The following NLGN4X variants were observed in gnomAD, a reference collection of about 807,000 sequenced individuals.
NLGN4X encodes the protein neuroligin-4, X-linked.
A neutral mutation model predicts 40.3 loss-of-function variants in NLGN4X; 3 were observed. The observed-to-expected ratio is 0.07, with a 90% CI of 0.03 to 0.19. The LOEUF (loss-of-function observed/expected upper bound fraction) is 0.19. Among genes scored for constraint, NLGN4X ranks in the 10% least tolerant of loss-of-function variants. The pLI is 1.00. For missense variants in NLGN4X, 382 were observed against 708.3 expected (o/e 0.54, Z 5.23); for synonymous variants, 270 against 306.8 (o/e 0.88, Z 1.25).
At chrX:6,017,858 T>G (rs1412312857) in intron 3 of NLGN4X, among the ~76,000 whole-genome samples, 3 of 111,370 alleles carry the variant, frequency 2.7e-5, no homozygotes, top group Non-Finnish European at 5.7e-5. Context: ...TTAGATGATG[T>G]CACCCAACTG....
intron 3 of NLGN4X, among the ~76,000 whole-genome samples, chrX:6,027,820 T>C (rs1045572585): frequency 3.9e-4 from 32 of 81,567 alleles, no homozygotes; most frequent in African/African-American, 1.1e-3. Flanking sequence ...AGTATTATTA[T>C]TATTTTTTTT....
rs57247712 is a variant in NLGN4X at position 6,201,909 on chromosome X, G to A, written c.-306+26632C>T. On this transcript the variant is annotated intron_variant, in intron 1 of 5. Transcript: ENST00000381095. ...CCGATGGAAATAATCATCAAACCAT[G>A]AGTAGATGCAAAGCTACATAGGACA... is the stretch of plus-strand genomic sequence containing the variant. 5.9e-3 allele frequency among the ~76,000 whole-genome samples: 660 copies of A among 111,404 alleles called. 5 individuals are homozygous for A. Among genetic ancestry groups the A allele is most frequent in the African/African-American group, 0.021 (631 of 30,656 alleles).
intron 1 of NLGN4X, among the ~76,000 whole-genome samples, chrX:6,214,613 G>C (rs957963072): frequency 1.8e-5 from 2 of 111,670 alleles, no homozygotes; most frequent in African/African-American, 6.5e-5. Flanking sequence ...CAGAAAGATA[G>C]AGCCAAGTGC....
At chrX:5,973,467 A>G (rs1406621916) in intron 3 of NLGN4X, among the ~76,000 whole-genome samples, 1 of 112,425 alleles carries the variant, frequency 8.9e-6, no homozygotes, top group Non-Finnish European at 1.9e-5. Flanking sequence ...CTTGGAAGCT[A>G]AATTGTTTAG....
chrX:6,032,681 C>G, intron 2 of NLGN4X: 1 of 1,164,841 alleles, frequency 8.6e-7, no homozygotes, highest in Non-Finnish European at 1.2e-6. Context: ...TTTGAAAAAA[C>G]AAAAAATACC....
intron 3 of NLGN4X, among the ~76,000 whole-genome samples, chrX:5,977,370 A>G: frequency 9.1e-6 from 1 of 110,028 alleles, no homozygotes; most frequent in East Asian, 2.9e-4. Context: ...ACAGGCACAT[A>G]TCACCATGCC....
chrX:6,076,993 G>A (rs1167685362), intron 2 of NLGN4X, among the ~76,000 whole-genome samples: 1 of 111,480 alleles, frequency 9.0e-6, no homozygotes, highest in African/African-American at 3.3e-5. Context: ...CCTCCATAAT[G>A]TTTTCATAGT....
chrX:6,195,627 T>G (rs1380824973), intron 1 of NLGN4X, among the ~76,000 whole-genome samples: 1 of 112,228 alleles, frequency 8.9e-6, no homozygotes, highest in Non-Finnish European at 1.9e-5. Context: ...TACATTTATT[T>G]TACTTGATCA....
chrX:5,972,461 T>C (rs1339075636), intron 3 of NLGN4X, among the ~76,000 whole-genome samples: 2 of 111,447 alleles, frequency 1.8e-5, no homozygotes, highest in Non-Finnish European at 3.8e-5. Context: ...AAGTTCTTAT[T>C]GTAATCCTTC....
chrX:6,049,248 AGGGG>A (rs2037412241), intron 2 of NLGN4X, among the ~76,000 whole-genome samples: 1 of 3,010 alleles, frequency 3.3e-4, no homozygotes, highest in African/African-American at 6.9e-4. Flanking sequence ...AGGGGAGGGG[AGGGG>A]AGGGGAGGGG....
At chrX:6,052,179 G>A (rs968073115) in intron 2 of NLGN4X, among the ~76,000 whole-genome samples, 2 of 110,450 alleles carry the variant, frequency 1.8e-5, no homozygotes, top group East Asian at 2.9e-4. Flanking sequence ...TGAGCCTCCC[G>A]AGAGTCATGC....
At chrX:6,036,081 T>C (rs1291247938) in intron 2 of NLGN4X, among the ~76,000 whole-genome samples, 5 of 111,736 alleles carry the variant, frequency 4.5e-5, no homozygotes, top group Non-Finnish European at 9.4e-5. Flanking sequence ...CCAACTGTAA[T>C]TAATTATATT....
chrX:6,021,290 G>A (rs963594902), intron 3 of NLGN4X, among the ~76,000 whole-genome samples: 15 of 108,411 alleles, frequency 1.4e-4, no homozygotes, highest in African/African-American at 4.7e-4. Flanking sequence ...CTGATGTCTC[G>A]CTTGTTGTTG....
chrX:5,971,742 G>A (rs2035025331), intron 3 of NLGN4X, among the ~76,000 whole-genome samples: 1 of 111,237 alleles, frequency 9.0e-6, no homozygotes, highest in African/African-American at 3.3e-5. Context: ...ATGGACTTGG[G>A]GAAAATGATA....
chrX:6,117,715 C>A (rs2039333955), intron 2 of NLGN4X, among the ~76,000 whole-genome samples: 1 of 112,220 alleles, frequency 8.9e-6, no homozygotes, highest in African/African-American at 3.2e-5. Context: ...ATTCACAGCC[C>A]CCTCAATCCC....
At chrX:5,946,781 G>C (rs992897976) in intron 3 of NLGN4X, among the ~76,000 whole-genome samples, 3 of 110,867 alleles carry the variant, frequency 2.7e-5, no homozygotes, top group African/African-American at 9.9e-5. Context: ...CATGACCCAG[G>C]TACTAAGCCA....
intron 4 of NLGN4X, among the ~76,000 whole-genome samples, chrX:5,907,604 T>C (rs970243987): frequency 2.7e-5 from 3 of 111,444 alleles, no homozygotes; most frequent in South Asian, 7.6e-4. Context: ...ACATGTGTTT[T>C]TGTGGTTTCC....
intron 2 of NLGN4X, among the ~76,000 whole-genome samples, chrX:6,112,770 C>T (rs2039182477): frequency 9.1e-6 from 1 of 109,489 alleles, no homozygotes; most frequent in Non-Finnish European, 1.9e-5. Flanking sequence ...TAAGTGTAGG[C>T]TGCACGTAGT....
At chrX:6,077,871 A>G (rs1189172121) in intron 2 of NLGN4X, among the ~76,000 whole-genome samples, 1 of 111,667 alleles carries the variant, frequency 9.0e-6, no homozygotes, top group Non-Finnish European at 1.9e-5. Flanking sequence ...GCAAATGACA[A>G]GAGATTGTTC....
Sources: allele counts gnomAD v4.1 joint callset (sites outside exome capture counted in the v4.1 genomes callset), GRCh38; gene constraint gnomAD v4.1.1; transcripts MANE v1.5; gene names NCBI Gene and HGNC (gene_info 2026-07-23, HGNC 2026-07-21).